The following EDRF1 variants were observed in gnomAD, a reference collection of about 807,000 sequenced individuals.
The protein encoded by EDRF1 is erythroid differentiation-related factor 1.
EDRF1 carries 69 observed loss-of-function variants against 148.7 expected under a neutral mutation model. The ratio of observed to expected loss-of-function variants is 0.46; its 90% CI spans 0.38 to 0.57. The LOEUF (loss-of-function observed/expected upper bound fraction) is 0.57. EDRF1 is among the 20% of genes least tolerant of loss of function. The pLI, the probability that EDRF1 is intolerant of heterozygous loss-of-function variation, is 0.00. For missense variants in EDRF1, 1,118 were observed against 1,478.7 expected (o/e 0.76, Z 4.00); for synonymous variants, 515 against 532.8 (o/e 0.97, Z 0.46).
intron 22 of EDRF1, 122 bp from the exon 23 acceptor site, chr10:125,752,677 T>C (rs973754667): frequency 1.2e-5 from 8 of 676,700 alleles, no homozygotes; most frequent in Non-Finnish European, 7.7e-6. Context: ...TTAGAAGATT[T>C]AAGATTCTCA....
chr10:125,763,764 G>T lies in EDRF1; in HGVS notation c.*292G>T. On this transcript the variant is annotated 3_prime_UTR_variant, in exon 25 of 25. Coordinates refer to ENST00000356792, the MANE Select transcript of EDRF1 (RefSeq NM_001202438.2). The surrounding 1 kb of genome is among the most constrained non-coding windows in gnomAD (Gnocchi z 4.3). ...TGCTGTGATGCAGTTACACTTTCACGTATTTTTGAAGTATGTCAAGCTACA... is the reference window on the plus strand; with the variant it reads ...TGCTGTGATGCAGTTACACTTTCACTTATTTTTGAAGTATGTCAAGCTACA... 4 of 438,972 alleles carry T rather than the reference G, an allele frequency of 9.1e-6. No homozygotes were observed. Among genetic ancestry groups the T allele is most frequent in the Non-Finnish European group, 1.3e-5 (3 of 239,426 alleles). The allele number at this position is 438,972 out of a possible 1,614,324, so 27.2% of individuals were successfully genotyped here. A position where few individuals can be genotyped will look rare whatever the true frequency, so the allele number is the denominator to read the frequency against.
intron 1 of EDRF1, among the ~76,000 whole-genome samples, chr10:125,720,708 G>C (rs540573612): frequency 3.3e-5 from 5 of 151,872 alleles, no homozygotes; most frequent in Admixed American, 6.6e-5. Flanking sequence ...CTACTAGGGA[G>C]GCTGAGGCAG....
intron 2 of EDRF1, among the ~76,000 whole-genome samples, chr10:125,721,851 T>C (rs1848022520): frequency 6.6e-6 from 1 of 152,002 alleles, no homozygotes; most frequent in Non-Finnish European, 1.5e-5. Context: ...GCATGTTGGG[T>C]GACCTACACC....
intron 17 of EDRF1, chr10:125,742,440 T>G: frequency 1.8e-6 from 2 of 1,098,226 alleles, no homozygotes; most frequent in South Asian, 4.5e-5. Context: ...TTTTAGACAA[T>G]TCATAGCTAG....
chr10:125,736,424 G>T (rs549078365), intron 13 of EDRF1, among the ~76,000 whole-genome samples: 10 of 152,220 alleles, frequency 6.6e-5, no homozygotes, highest in African/African-American at 2.2e-4. Context: ...TCCCTGTGTG[G>T]ATTGCACTGA....
At chr10:125,741,385 T>A in intron 17 of EDRF1, 184 bp downstream of exon 17, 1 of 678,990 alleles carries the variant, frequency 1.5e-6, no homozygotes, top group East Asian at 3.2e-5. Context: ...TGGTGCAATC[T>A]TGGCTCACTG....
In EDRF1 at chr10:125,743,104, C is replaced by T. The variant is rs571799514; in HGVS notation, c.2418C>T (p.Leu806=). Reference sequence around the variant, plus strand: ...TGTCTACAGACTTAGAAAGTCAACTCTCTGTTAGTTGTAAATGTTATGAGG... The same window carrying T: ...TGTCTACAGACTTAGAAAGTCAACTTTCTGTTAGTTGTAAATGTTATGAGG... ...TDLSTDLESQ[L]SVSCKCYEAA... The change falls in exon 18 of 25, where the codon CTC becomes CTT. Residue 806 remains leucine, a synonymous_variant. Transcript: ENST00000356792. 2.9e-5 allele frequency: 47 copies of T among 1,613,912 alleles called. 1 individual carries two copies. In the South Asian group the frequency reaches 3.8e-4, roughly 13 times the overall value.
At chr10:125,753,887 C>G (rs762231022) in intron 24 of EDRF1, 42 bp downstream of exon 24, 2 of 1,604,324 alleles carry the variant, frequency 1.2e-6, no homozygotes, top group Non-Finnish European at 1.7e-6. Flanking sequence ...TTCCTAGCAC[C>G]CTACCTATAA....
chr10:125,723,265 C>G lies in EDRF1; in HGVS notation c.384+131C>G, dbSNP rs550833205. 20 of 826,412 alleles carry G rather than the reference C, an allele frequency of 2.4e-5. No individual in the cohort carries two copies. In the East Asian group the frequency reaches 4.2e-4, roughly 17 times the overall value. 51.2% of individuals were successfully genotyped at this position (826,412 alleles called of 1,614,324 possible). A position where few individuals can be genotyped will look rare whatever the true frequency, so the allele number is the denominator to read the frequency against. ...AGTGATGAAATAAGATAAAACTTACCTGATTATTGAGTATCTTTTTTGTTG... is the reference window on the plus strand; with the variant it reads ...AGTGATGAAATAAGATAAAACTTACGTGATTATTGAGTATCTTTTTTGTTG... On this transcript the variant is annotated intron_variant, in intron 3 of 24. Transcript: ENST00000356792.
chr10:125,721,946 C>T (rs113128046), intron 2 of EDRF1, among the ~76,000 whole-genome samples: 2,262 of 152,316 alleles, frequency 0.015, 59 homozygotes, highest in African/African-American at 0.049. Context: ...AATGTACATA[C>T]TGTAGGACAT....
intron 13 of EDRF1, among the ~76,000 whole-genome samples, 191 bp from the exon 14 acceptor site, chr10:125,737,727 A>C (rs1007948942): frequency 6.6e-6 from 1 of 152,198 alleles, no homozygotes; most frequent in Admixed American, 6.5e-5. Context: ...TTACTACTCT[A>C]GTTCTTGCTT....
chr10:125,749,258 A>T, intron 21 of EDRF1, 154 bp from the exon 22 acceptor site: 2 of 865,230 alleles, frequency 2.3e-6, no homozygotes, highest in Non-Finnish European at 3.6e-6. Flanking sequence ...AAAAAAAAAA[A>T]AAGAAAGGAA....
Position 125,721,391 on chromosome 10 carries a change from A to G in EDRF1, c.296A>G (p.Lys99Arg). The change falls in exon 2 of 25, where the codon AAG becomes AGG. Residue 99 changes from lysine (K) to arginine (R), a missense_variant. By Grantham distance (26) the Lys-to-Arg change is conservative. Around this residue, in one of 3 missense-constraint regions of EDRF1, gnomAD observed 99 missense variants for 186.9 expected, o/e 0.53. Coordinates refer to ENST00000356792, the MANE Select transcript of EDRF1 (RefSeq NM_001202438.2). ...GGAACTACCATTCTTGGCAACAGCA[A>G]GAAAAGCAAGCCATTTTCAAGGTAA... ...PAGTTILGNSKKSKPFSSFGM... is the reference protein window; with the variant it reads ...PAGTTILGNSRKSKPFSSFGM... 6.2e-7 allele frequency: 1 copy of G among 1,614,198 alleles called. No homozygotes were observed. Among genetic ancestry groups the G allele is most frequent in the Non-Finnish European group, 8.5e-7 (1 of 1,180,034 alleles).
rs1564733803 is a variant in EDRF1 at position 125,728,980 on chromosome 10, CCTT to C, written c.793-22_793-20del. The C allele has an allele frequency of 3.2e-6, 5 of 1,543,432 alleles. No individual in the cohort carries two copies. Among genetic ancestry groups the C allele is most frequent in the Non-Finnish European group, 3.5e-6 (4 of 1,147,726 alleles). On this transcript the variant is annotated intron_variant, in intron 6 of 24. Transcript: ENST00000356792. Reference sequence around the variant, plus strand: ...AAGAAATGTTGACAGCAGAATCACTCCTTATCCTTGCACTTTTCACAGGGAAGT... The same window carrying C: ...AAGAAATGTTGACAGCAGAATCACTCATCCTTGCACTTTTCACAGGGAAGT...
intron 12 of EDRF1, 94 bp from the exon 13 acceptor site, chr10:125,735,550 T>A (rs1188263746): frequency 8.0e-7 from 1 of 1,250,752 alleles, no homozygotes; most frequent in African/African-American, 1.5e-5. Context: ...ACAGCCTGTG[T>A]GCAGACCTCC....
chr10:125,723,356 G>T (rs1302857454), intron 3 of EDRF1, among the ~76,000 whole-genome samples: 13 of 152,122 alleles, frequency 8.5e-5, no homozygotes, highest in Non-Finnish European at 1.6e-4. Context: ...CCAAACACTG[G>T]CAGTGGTAAT....
chr10:125,748,300 C>T (rs1849470116), intron 21 of EDRF1: 4 of 461,398 alleles, frequency 8.7e-6, no homozygotes, highest in Middle Eastern at 6.5e-4. Context: ...TGTTGGCACA[C>T]GTAGCTGTTC....
At chr10:125,727,176 G>C (rs1013909061) in intron 6 of EDRF1, among the ~76,000 whole-genome samples, 9 of 152,178 alleles carry the variant, frequency 5.9e-5, no homozygotes, top group African/African-American at 2.2e-4. Context: ...GCAGAGGCCT[G>C]TTCCTCCAGC....
chr10:125,763,560 A>G lies in EDRF1; in HGVS notation c.*88A>G. The G allele has an allele frequency of 7.2e-7, 1 of 1,386,560 alleles. No individual in the cohort carries two copies. The allele number at this position is 1,386,560 out of a possible 1,614,324, so 85.9% of individuals were successfully genotyped here. ...TCGGTGCTTTGTTTCATTAAATAAT[A>G]GGGAAATATCCATTTAAAACAGGTA... is the stretch of plus-strand genomic sequence containing the variant. On this transcript the variant is annotated 3_prime_UTR_variant, in exon 25 of 25. Coordinates refer to ENST00000356792, the MANE Select transcript of EDRF1 (RefSeq NM_001202438.2). The surrounding 1 kb of genome is among the most constrained non-coding windows in gnomAD (Gnocchi z 4.3).
Sources: gnomAD v4.1 joint callset for allele counts (sites outside exome capture counted in the v4.1 genomes callset) on GRCh38, gnomAD v4.1.1 for gene constraint, gnomAD v4.1.1 regional missense constraint, Gnocchi (gnomAD v3.1) non-coding constraint, MANE v1.5 for transcripts, NCBI Gene and HGNC (gene_info 2026-07-23, HGNC 2026-07-21) for gene names.